Variants in MACROH2A2 observed in about 807,000 individuals in gnomAD.
MACROH2A2 encodes core histone macro-H2A.2.
MACROH2A2 carries 6 observed loss-of-function variants against 37.6 expected under a neutral mutation model. The observed-to-expected ratio is 0.16, with a 90% CI of 0.09 to 0.32. The LOEUF is 0.32. Ranked by LOEUF, MACROH2A2 falls within the 10% of genes least tolerant of loss-of-function variation. The pLI is 1.00. For synonymous variants in MACROH2A2, 192 were observed against 202.7 expected (o/e 0.95, Z 0.45); for missense variants, 290 against 485.9 (o/e 0.60, Z 3.79).
chr10:70,106,623 C>A (rs974105534), intron 7 of MACROH2A2, among the ~76,000 whole-genome samples: 5 of 151,592 alleles, frequency 3.3e-5, no homozygotes, highest in African/African-American at 1.2e-4. Context: ...ATGGTGAAAC[C>A]CCATCTCTAC....
In MACROH2A2 at chr10:70,107,099, T is replaced by A. The variant is rs2072342648; in HGVS notation, c.779-1934T>A. On this transcript the variant is annotated intron_variant, in intron 7 of 8. Coordinates refer to ENST00000373255, the MANE Select transcript of MACROH2A2 (RefSeq NM_018649.3). This position sits in a 1 kb window ranked among gnomAD's most constrained non-coding sequence, Gnocchi z 4.4. ...TACGTGGTCGTAGAGTCAGCACGCA[T>A]GGCGGGCCCCTACCCAGGGCCTCGG... Among the ~76,000 whole-genome samples, 1 of 152,126 alleles carries A rather than the reference T, an allele frequency of 6.6e-6. No homozygotes were observed. Among genetic ancestry groups the A allele is most frequent in the Non-Finnish European group, 1.5e-5 (1 of 68,030 alleles).
At chr10:70,099,177 C>A (rs1327918161) in intron 6 of MACROH2A2, 1 of 152,250 alleles carries the variant, frequency 6.6e-6, no homozygotes, top group African/African-American at 2.4e-5. Flanking sequence ...TCAGTTGCAT[C>A]ATGGAAACCC....
chr10:70,054,193 T>G (rs1469595054), intron 1 of MACROH2A2, among the ~76,000 whole-genome samples: 1 of 152,228 alleles, frequency 6.6e-6, no homozygotes, highest in Non-Finnish European at 1.5e-5. Flanking sequence ...TGAGGCCTGG[T>G]CCTTGCCAGG....
At chr10:70,058,102 C>G (rs564665817) in intron 1 of MACROH2A2, among the ~76,000 whole-genome samples, 1 of 152,338 alleles carries the variant, frequency 6.6e-6, no homozygotes, top group South Asian at 2.1e-4. Flanking sequence ...ATTTGTCTCA[C>G]TACTTTATCC....
chr10:70,064,863 A>G (rs1034112476), intron 1 of MACROH2A2, among the ~76,000 whole-genome samples: 2 of 152,112 alleles, frequency 1.3e-5, no homozygotes, highest in South Asian at 2.1e-4. Flanking sequence ...TAATACAACT[A>G]GTTCCTAACT....
At chr10:70,083,915 T>G (rs975077509) in intron 2 of MACROH2A2, among the ~76,000 whole-genome samples, 4 of 151,156 alleles carry the variant, frequency 2.6e-5, no homozygotes, top group Admixed American at 2.0e-4. Flanking sequence ...AAAAATGGAC[T>G]GAAAAAACAA....
intron 7 of MACROH2A2, among the ~76,000 whole-genome samples, chr10:70,104,865 C>T (rs983337100): frequency 6.6e-6 from 1 of 152,126 alleles, no homozygotes; most frequent in Non-Finnish European, 1.5e-5. Context: ...GACAGCAGTT[C>T]TAAGATGCTT....
At chr10:70,068,094 G>C (rs1280551311) in intron 1 of MACROH2A2, among the ~76,000 whole-genome samples, 1 of 151,258 alleles carries the variant, frequency 6.6e-6, no homozygotes, top group South Asian at 2.1e-4. Context: ...TATACATTTT[G>C]ATTCCTTTTT....
chr10:70,075,000 T>A (rs2072132201), intron 1 of MACROH2A2, among the ~76,000 whole-genome samples: 1 of 152,216 alleles, frequency 6.6e-6, no homozygotes, highest in African/African-American at 2.4e-5. Flanking sequence ...AAATTTATTT[T>A]CTTATAGTTC....
chr10:70,095,864 C>A, intron 6 of MACROH2A2, 111 bp downstream of exon 6: 1 of 634,440 alleles, frequency 1.6e-6, no homozygotes, highest in Non-Finnish European at 2.9e-6. Context: ...GGTCCCATGT[C>A]AAGCTCTGTC....
chr10:70,089,472 C>T lies in MACROH2A2; in HGVS notation c.173-588C>T, dbSNP rs1280935732. On this transcript the variant is annotated intron_variant, in intron 2 of 8. Coordinates refer to ENST00000373255, the MANE Select transcript of MACROH2A2 (RefSeq NM_018649.3). ...TAGAAAGGAAAGAAGGGCACAGCCC[C>T]TTCATTGATGGACACTTCCCAGAAG... Among the ~76,000 whole-genome samples, 4 of 152,198 alleles carry T rather than the reference C, an allele frequency of 2.6e-5. 1 individual carries two copies. The highest frequency in any genetic ancestry group is 5.9e-5 in the Non-Finnish European group (4 of 68,038).
At chr10:70,073,924 A>G (rs145317840) in intron 1 of MACROH2A2, among the ~76,000 whole-genome samples, 390 of 152,230 alleles carry the variant, frequency 2.6e-3, no homozygotes, top group African/African-American at 9.0e-3. Flanking sequence ...ACCAATTTCA[A>G]TTTGTTCTGA....
rs979322965 is a variant in MACROH2A2, at chr10:70,107,480, C to T, written c.779-1553C>T. ...TGGGTTCCTGGAGGGGCACAGGGCG[C>T]AGACGGGCAGCGTGGGGGCAAGCAT... On this transcript the variant is annotated intron_variant, in intron 7 of 8. Coordinates refer to ENST00000373255, the MANE Select transcript of MACROH2A2 (RefSeq NM_018649.3). The surrounding 1 kb of genome is among the most constrained non-coding windows in gnomAD (Gnocchi z 4.4). Among the ~76,000 whole-genome samples, 2 of 152,202 alleles carry T rather than the reference C, an allele frequency of 1.3e-5. No individual in the cohort carries two copies. Among genetic ancestry groups the T allele is most frequent in the Non-Finnish European group, 2.9e-5 (2 of 68,022 alleles).
intron 2 of MACROH2A2, among the ~76,000 whole-genome samples, chr10:70,078,044 A>ACCCC (rs2072151461): frequency 6.6e-6 from 1 of 152,212 alleles, no homozygotes; most frequent in Non-Finnish European, 1.5e-5. Context: ...TGATGAAAAT[A>ACCCC]ACTAAGTACT....
chr10:70,077,491 G>A (rs889453320), intron 2 of MACROH2A2, among the ~76,000 whole-genome samples: 2 of 152,072 alleles, frequency 1.3e-5, no homozygotes, highest in African/African-American at 4.8e-5. Flanking sequence ...TGAGGCAGGA[G>A]AATCACTTGA....
At chr10:70,058,013 G>A (rs189014363) in intron 1 of MACROH2A2, among the ~76,000 whole-genome samples, 4 of 152,290 alleles carry the variant, frequency 2.6e-5, no homozygotes, top group African/African-American at 4.8e-5. Context: ...GTAAGAGCAA[G>A]GAGCTGGTAG....
intron 7 of MACROH2A2, among the ~76,000 whole-genome samples, chr10:70,100,617 C>CT (rs34180859): frequency 0.064 from 8,800 of 137,964 alleles, 323 homozygotes; most frequent in East Asian, 0.093. Flanking sequence ...ATGTTTTGTT[C>CT]TTTTTTTTTT....
chr10:70,087,910 T>G (rs2072220857), intron 2 of MACROH2A2, among the ~76,000 whole-genome samples: 1 of 152,272 alleles, frequency 6.6e-6, no homozygotes, highest in South Asian at 2.1e-4. Flanking sequence ...TAATTTTTTG[T>G]TAATCACATG....
chr10:70,099,872 C>T (rs572999412), intron 6 of MACROH2A2, among the ~76,000 whole-genome samples: 1 of 152,334 alleles, frequency 6.6e-6, no homozygotes, highest in East Asian at 1.9e-4. Context: ...GAGCTCTCCA[C>T]ATGAGTACTA....
Sources: allele counts gnomAD v4.1 joint callset (sites outside exome capture counted in the v4.1 genomes callset), GRCh38; gene constraint gnomAD v4.1.1; non-coding constraint Gnocchi (gnomAD v3.1); transcripts MANE v1.5; gene names NCBI Gene and HGNC (gene_info 2026-07-23, HGNC 2026-07-21).